The following PCDH15 variants were observed in gnomAD, a reference collection of about 807,000 sequenced individuals.
The protein encoded by PCDH15 is protocadherin related 15.
In PCDH15, 129 loss-of-function variants were observed where a neutral mutation model predicts 178.5. That is an observed-to-expected ratio of 0.72 (90% confidence interval 0.63 to 0.84). The LOEUF (loss-of-function observed/expected upper bound fraction) is 0.84, where lower values mean the gene tolerates loss of function less well. Among genes scored for constraint, PCDH15 ranks in the 40% least tolerant of loss-of-function variants. The pLI, the probability that PCDH15 is intolerant of heterozygous loss-of-function variation, is 0.00. For synonymous variants in PCDH15, 800 were observed against 732.0 expected (o/e 1.09, Z -1.50); for missense variants, 2,230 against 2,099.9 (o/e 1.06, Z -1.21).
At chr10:54,815,708 T>C (rs964037791) in intron 3 of PCDH15, among the ~76,000 whole-genome samples, 2 of 152,068 alleles carry the variant, frequency 1.3e-5, no homozygotes, top group African/African-American at 4.8e-5. Context: ...AACAAAGTCA[T>C]GCCATTACAA....
intron 2 of PCDH15, among the ~76,000 whole-genome samples, chr10:55,532,446 T>G (rs1841475562): frequency 6.6e-6 from 1 of 152,096 alleles, no homozygotes; most frequent in Non-Finnish European, 1.5e-5. Flanking sequence ...AAACATTTTC[T>G]GAGTGACTTC....
intron 2 of PCDH15, among the ~76,000 whole-genome samples, chr10:55,549,028 T>C (rs1468225499): frequency 1.3e-5 from 2 of 152,242 alleles, no homozygotes; most frequent in East Asian, 3.9e-4. Context: ...GAAATAAAAA[T>C]ATATTAACAT....
At chr10:54,266,470 A>G (rs571610296) in intron 8 of PCDH15, among the ~76,000 whole-genome samples, 122 of 152,050 alleles carry the variant, frequency 8.0e-4, no homozygotes, top group African/African-American at 2.8e-3. Context: ...AACAGGACTG[A>G]ACAAAATCGA....
chr10:55,048,729 T>C (rs1841077755), intron 2 of PCDH15, among the ~76,000 whole-genome samples: 1 of 151,928 alleles, frequency 6.6e-6, no homozygotes, highest in African/African-American at 2.4e-5. Flanking sequence ...TATTTTTATT[T>C]CAATGTAACT....
intron 25 of PCDH15, among the ~76,000 whole-genome samples, chr10:53,927,730 C>A (rs74777526): frequency 6.6e-6 from 1 of 152,190 alleles, no homozygotes; most frequent in Non-Finnish European, 1.5e-5. Flanking sequence ...GTTATCTATA[C>A]TATTCTCTTC....
intron 3 of PCDH15, among the ~76,000 whole-genome samples, chr10:54,415,008 T>C (rs146893633): frequency 3.3e-5 from 5 of 152,074 alleles, no homozygotes; most frequent in Non-Finnish European, 7.4e-5. Context: ...ACGTGAAATG[T>C]GATATCAAGT....
In PCDH15 at chr10:54,326,100, C is replaced by A. The variant is rs1362491494; in HGVS notation, c.705+3496G>T. Among the ~76,000 whole-genome samples, 3 of 152,108 alleles carry A rather than the reference C, an allele frequency of 2.0e-5. No individual in the cohort carries two copies. The East Asian group carries it at 5.8e-4, about 29-fold the overall frequency. Reference sequence around the variant, plus strand: ...AAGTAGCCCTGATTTGTAGCACTGGCACTTTCCATACTGTAAATGCTCCCA... The same window carrying A: ...AAGTAGCCCTGATTTGTAGCACTGGAACTTTCCATACTGTAAATGCTCCCA... On this transcript the variant is annotated intron_variant, in intron 7 of 37. Transcript: ENST00000644397.
At chr10:55,214,170 TG>T (rs1840640081) in intron 1 of PCDH15, among the ~76,000 whole-genome samples, 1 of 152,064 alleles carries the variant, frequency 6.6e-6, no homozygotes. Context: ...TCACTTTATA[TG>T]TCATCAACTT....
chr10:53,945,551 C>T (rs1265912159), intron 23 of PCDH15, among the ~76,000 whole-genome samples: 1 of 151,996 alleles, frequency 6.6e-6, no homozygotes, highest in African/African-American at 2.4e-5. Flanking sequence ...TGACAAATAT[C>T]TCCCCAATCC....
At chr10:55,197,156 T>C (rs1840115191) in intron 1 of PCDH15, among the ~76,000 whole-genome samples, 1 of 152,060 alleles carries the variant, frequency 6.6e-6, no homozygotes, top group African/African-American at 2.4e-5. Context: ...AGCTACCTAC[T>C]TTCTTCCTTT....
chr10:55,458,609 T>A (rs1839604553), intron 2 of PCDH15, among the ~76,000 whole-genome samples: 2 of 152,038 alleles, frequency 1.3e-5, no homozygotes, highest in Non-Finnish European at 2.9e-5. Flanking sequence ...GATGTCAGCA[T>A]TATAGCTCTA....
intron 2 of PCDH15, among the ~76,000 whole-genome samples, chr10:55,014,749 C>A (rs1253039826): frequency 2.0e-5 from 3 of 152,100 alleles, no homozygotes; most frequent in Admixed American, 2.0e-4. Context: ...TTACCAGAGA[C>A]ACATGCTACT....
In PCDH15 at chr10:55,349,193, G is replaced by C. The variant is rs566893149; in HGVS notation, c.-155-182542C>G. On this transcript the variant is annotated intron_variant, in intron 2 of 5. Coordinates refer to the PCDH15 transcript ENST00000613346. ...GTGTCCAGAGACTTATATTGTGCTA[G>C]ATTGTTATTTCTGTTGAGGTGTGAA... is the stretch of plus-strand genomic sequence containing the variant. Among the ~76,000 whole-genome samples the C allele has an allele frequency of 5.3e-5, 8 of 152,204 alleles. No individual in the cohort carries two copies. The East Asian group carries it at 1.5e-3, about 29-fold the overall frequency.
At chr10:55,146,129 C>T (rs1274389931) in intron 2 of PCDH15, among the ~76,000 whole-genome samples, 2 of 151,932 alleles carry the variant, frequency 1.3e-5, no homozygotes, top group East Asian at 3.9e-4. Flanking sequence ...ACCACTATAC[C>T]TTTTGTACTT....
At chr10:54,838,392 C>T (rs12265596) in intron 3 of PCDH15, among the ~76,000 whole-genome samples, 3,606 of 152,222 alleles carry the variant, frequency 0.024, 140 homozygotes, top group African/African-American at 0.082. Flanking sequence ...CGCTTACATG[C>T]TTTCCCACCT....
At chr10:53,915,758 C>T (rs1041331891) in intron 25 of PCDH15, among the ~76,000 whole-genome samples, 2 of 152,122 alleles carry the variant, frequency 1.3e-5, no homozygotes, top group African/African-American at 4.8e-5. Context: ...CGGGGTTTCA[C>T]TGTGTTGTCC....
chr10:54,342,549 A>C (rs999177211), intron 6 of PCDH15, among the ~76,000 whole-genome samples: 2 of 152,206 alleles, frequency 1.3e-5, no homozygotes, highest in African/African-American at 4.8e-5. Flanking sequence ...ATCTACTAGC[A>C]TAATGCAGAG....
intron 1 of PCDH15, among the ~76,000 whole-genome samples, chr10:54,694,947 C>T (rs1283182960): frequency 6.6e-6 from 1 of 151,782 alleles, no homozygotes; most frequent in African/African-American, 2.4e-5. Context: ...AAGCACCAAA[C>T]AGCCAACTTG....
intron 2 of PCDH15, among the ~76,000 whole-genome samples, chr10:55,085,292 G>A (rs1020701316): frequency 6.6e-6 from 1 of 151,966 alleles, no homozygotes; most frequent in Admixed American, 6.6e-5. Context: ...TCACTCATTT[G>A]TGGGAGCTAA....
Sources: gnomAD v4.1 joint callset for allele counts (sites outside exome capture counted in the v4.1 genomes callset) on GRCh38, gnomAD v4.1.1 for gene constraint, MANE v1.5 for transcripts, NCBI Gene and HGNC (gene_info 2026-07-23, HGNC 2026-07-21) for gene names.